The following MYO7B variants were observed in gnomAD, a reference collection of about 807,000 sequenced individuals.
MYO7B encodes myosin VIIB, also known as unconventional myosin-VIIb.
MYO7B carries 212 observed loss-of-function variants against 259.7 expected under a neutral mutation model. The observed-to-expected ratio is 0.82, with a 90% confidence interval of 0.73 to 0.91. The LOEUF is 0.91. Among genes scored for constraint, MYO7B ranks in the 40% least tolerant of loss-of-function variants. The pLI is 0.00. For missense variants in MYO7B, 2,732 were observed against 2,813.5 expected (o/e 0.97, Z 0.66); for synonymous variants, 1,197 against 1,166.4 (o/e 1.03, Z -0.54).
chr2:127,627,388 A>C lies in MYO7B; in HGVS notation c.4460+78A>C. The C allele has an allele frequency of 5.1e-6, 6 of 1,172,984 alleles. No individual in the cohort carries two copies. Among genetic ancestry groups the C allele is most frequent in the South Asian group, 1.3e-5 (1 of 76,444 alleles). 72.7% of individuals were successfully genotyped at this position (1,172,984 alleles called of 1,614,324 possible). On this transcript the variant is annotated intron_variant, in intron 33 of 47. Transcript: ENST00000409816. The surrounding 1 kb of genome is among the most constrained non-coding windows in gnomAD (Gnocchi z 5.6). Reference sequence around the variant, plus strand: ...TCTGGGGGCTCGGGGAGAGATGGGGAGAGGGGCAGTGTGCCGTCCCGGGTA... The same window carrying C: ...TCTGGGGGCTCGGGGAGAGATGGGGCGAGGGGCAGTGTGCCGTCCCGGGTA...
chr2:127,541,792 G>C (rs1357751179), intron 1 of MYO7B, among the ~76,000 whole-genome samples: 1 of 152,224 alleles, frequency 6.6e-6, no homozygotes, highest in East Asian at 1.9e-4. Flanking sequence ...GATTCTCCTA[G>C]AAGAGGTTCT....
In MYO7B at chr2:127,584,939, C is replaced by T; in HGVS notation, c.1690+26C>T. ...GTGGGTGCAGCTCTCCTCTCATGTC[C>T]CTTCCAAATCTGGACCGGGTTCCAG... On this transcript the variant is annotated intron_variant, in intron 14 of 47. Coordinates refer to ENST00000409816, the MANE Select transcript of MYO7B (RefSeq NM_001393586.1). The surrounding 1 kb of genome is among the most constrained non-coding windows in gnomAD (Gnocchi z 5.8). 1 of 1,611,980 alleles carries T rather than the reference C, an allele frequency of 6.2e-7. No homozygotes were observed.
In MYO7B at chr2:127,577,563, G is replaced by A. The variant is rs1337898134; in HGVS notation, c.850-570G>A. Among the ~76,000 whole-genome samples the A allele has an allele frequency of 6.6e-6, 1 of 151,958 alleles. No homozygotes were observed. Among genetic ancestry groups the A allele is most frequent in the Non-Finnish European group, 1.5e-5 (1 of 67,984 alleles). On this transcript the variant is annotated intron_variant, in intron 8 of 47. Transcript: ENST00000409816. This position sits in a 1 kb window ranked among gnomAD's most constrained non-coding sequence, Gnocchi z 5.2. ...CCCACCCCAGCCTCCCCGCAGCCCTGTCCCTGCCTCCCCACCTCGTGGCCT... is the reference window on the plus strand; with the variant it reads ...CCCACCCCAGCCTCCCCGCAGCCCTATCCCTGCCTCCCCACCTCGTGGCCT...
chr2:127,566,637 T>C lies in MYO7B; in HGVS notation c.286-6T>C. The C allele has an allele frequency of 6.4e-7, 1 of 1,572,066 alleles. No individual in the cohort carries two copies. On this transcript the variant is annotated splice_region_variant and splice_polypyrimidine_tract_variant and intron_variant, in intron 4 of 47. Coordinates refer to ENST00000409816, the MANE Select transcript of MYO7B (RefSeq NM_001393586.1). Reference sequence around the variant, plus strand: ...AGAGGGCACTGACCACCTGCTTCCTTCCCAGACATACACAGGCTCCATCCT... The same window carrying C: ...AGAGGGCACTGACCACCTGCTTCCTCCCCAGACATACACAGGCTCCATCCT...
intron 42 of MYO7B, 61 bp downstream of exon 42, chr2:127,634,744 C>T (rs573628882): frequency 4.1e-5 from 58 of 1,431,576 alleles, no homozygotes; most frequent in South Asian, 1.7e-4. Context: ...GGGGCACTGG[C>T]GGCCTCTGTG....
chr2:127,628,384 C>A lies in MYO7B; in HGVS notation c.4473C>A (p.Gly1491=). 2 of 1,600,640 alleles carry A rather than the reference C, an allele frequency of 1.2e-6. No individual in the cohort carries two copies. Among genetic ancestry groups the A allele is most frequent in the Non-Finnish European group, 8.5e-7 (1 of 1,175,734 alleles). Residue 1491 remains glycine, a synonymous_variant, in exon 34 of 48, where the codon GGC becomes GGA. Coordinates refer to ENST00000409816, the MANE Select transcript of MYO7B (RefSeq NM_001393586.1). The surrounding 1 kb of genome is among the most constrained non-coding windows in gnomAD (Gnocchi z 4.8). ...MGLATNREAQ[G]GQRLLLSTMH... ...CCTTCATCTCCAGGGAGGCCCAGGG[C>A]GGGCAGAGGCTGCTGCTCTCCACGA...
chr2:127,569,732 G>A (rs747494172), intron 5 of MYO7B, 57 bp from the exon 6 acceptor site: 45 of 1,567,086 alleles, frequency 2.9e-5, no homozygotes, highest in Non-Finnish European at 3.7e-5. Flanking sequence ...AGAGTTGAGA[G>A]GTGTTGAAAA....
At position 127,628,789 on chromosome 2, in the gene MYO7B, G is replaced by T. The variant is rs78313519; in HGVS notation, c.4624+254G>T. On this transcript the variant is annotated intron_variant, in intron 34 of 47. Coordinates refer to ENST00000409816, the MANE Select transcript of MYO7B (RefSeq NM_001393586.1). This position sits in a 1 kb window ranked among gnomAD's most constrained non-coding sequence, Gnocchi z 4.8. ...GCATAGGCCAGCCATGCTCAGCGCTGCACTGCTGCAGAAGCACTGAGAAAG... is the reference window on the plus strand; with the variant it reads ...GCATAGGCCAGCCATGCTCAGCGCTTCACTGCTGCAGAAGCACTGAGAAAG... Among the ~76,000 whole-genome samples, 5,540 of 152,342 alleles carry T rather than the reference G, an allele frequency of 0.036. 191 individuals carry two copies. Among genetic ancestry groups the T allele is most frequent in the East Asian group, 0.14 (739 of 5,182 alleles).
rs1681152167 is a variant in MYO7B, at chr2:127,626,841, C to T, written c.4216-134C>T. 8 of 806,954 alleles carry T rather than the reference C, an allele frequency of 9.9e-6. No homozygotes were observed. In the Admixed American group the frequency reaches 2.0e-4, roughly 20 times the overall value. 50.0% of individuals were successfully genotyped at this position (806,954 alleles called of 1,614,324 possible). ...TGGGGACGTCCCAGGTGCCTCCCTA[C>T]AGGATCCATCTCCAGACACTGGCCT... On this transcript the variant is annotated intron_variant, in intron 31 of 47. Coordinates refer to ENST00000409816, the MANE Select transcript of MYO7B (RefSeq NM_001393586.1).
chr2:127,577,574 C>G lies in MYO7B; in HGVS notation c.850-559C>G, dbSNP rs933906379. ...CTCCCCGCAGCCCTGTCCCTGCCTC[C>G]CCACCTCGTGGCCTTGCTCCCATCA... On this transcript the variant is annotated intron_variant, in intron 8 of 47. Coordinates refer to ENST00000409816, the MANE Select transcript of MYO7B (RefSeq NM_001393586.1). This position sits in a 1 kb window ranked among gnomAD's most constrained non-coding sequence, Gnocchi z 5.2. Among the ~76,000 whole-genome samples the G allele has an allele frequency of 6.6e-6, 1 of 152,174 alleles. No homozygotes were observed. Among genetic ancestry groups the G allele is most frequent in the Non-Finnish European group, 1.5e-5 (1 of 68,026 alleles).
rs1680272592 is a variant in MYO7B, at chr2:127,609,029, G to C, written c.2814+151G>C. 6.6e-6 allele frequency among the ~76,000 whole-genome samples: 1 copy of C among 152,198 alleles called. No individual in the cohort carries two copies. The highest frequency in any genetic ancestry group is 2.1e-4 in the South Asian group (1 of 4,832). On this transcript the variant is annotated intron_variant, in intron 22 of 47. Coordinates refer to ENST00000409816, the MANE Select transcript of MYO7B (RefSeq NM_001393586.1). The surrounding 1 kb of genome is among the most constrained non-coding windows in gnomAD (Gnocchi z 6.9). Reference sequence around the variant, plus strand: ...CCTGCTGGTCCCACACGGAAGAGGGGAGCGTGCGTGGGTTCTGTGGTCAAA... The same window carrying C: ...CCTGCTGGTCCCACACGGAAGAGGGCAGCGTGCGTGGGTTCTGTGGTCAAA...
Position 127,607,058 on chromosome 2 carries a change from C to T in MYO7B, c.2425-148C>T, listed in dbSNP as rs1680179155. ...AGCAATAACTCACTATTCTTGTGTT[C>T]ATAGGTGTGTACCATTCTAGCACCG... On this transcript the variant is annotated intron_variant, in intron 20 of 47. Transcript: ENST00000409816. The surrounding 1 kb of genome is among the most constrained non-coding windows in gnomAD (Gnocchi z 4.4). 1 of 686,218 alleles carries T rather than the reference C, an allele frequency of 1.5e-6. No individual in the cohort carries two copies. The highest frequency in any genetic ancestry group is 2.5e-6 in the Non-Finnish European group (1 of 406,698). 42.5% of individuals were successfully genotyped at this position (686,218 alleles called of 1,614,324 possible). A position where few individuals can be genotyped will look rare whatever the true frequency, so the allele number is the denominator to read the frequency against.
intron 2 of MYO7B, among the ~76,000 whole-genome samples, chr2:127,562,826 T>G (rs1188869461): frequency 6.6e-6 from 1 of 152,146 alleles, no homozygotes; most frequent in East Asian, 1.9e-4. Flanking sequence ...TTTCTCCATG[T>G]TGGCCAGGCT....
chr2:127,634,773 C>A, intron 42 of MYO7B, 90 bp downstream of exon 42: 1 of 1,231,356 alleles, frequency 8.1e-7, no homozygotes, highest in Non-Finnish European at 1.2e-6. Context: ...GCCCATTCAT[C>A]CATCCATTCG....
rs111804739 is a variant in MYO7B, at chr2:127,592,487, G to A, written c.1993-307G>A. The stretch of plus-strand genomic sequence containing the variant: ...AGGACGTTTACATTCACAGCGCTTC[G>A]AGTAGTTGACAGTGATGGGAGTGCT... On this transcript the variant is annotated intron_variant, in intron 16 of 47. Coordinates refer to ENST00000409816, the MANE Select transcript of MYO7B (RefSeq NM_001393586.1). Among the ~76,000 whole-genome samples the A allele has an allele frequency of 9.6e-3, 1,461 of 152,310 alleles. 17 individuals are homozygous for A. Among genetic ancestry groups the A allele is most frequent in the Non-Finnish European group, 0.015 (988 of 68,022 alleles).
In MYO7B at chr2:127,609,985, C is replaced by T. The variant is rs1320032568; in HGVS notation, c.3161C>T (p.Ala1054Val). Residue 1054 changes from alanine to valine, a missense_variant, in exon 24 of 48, where the codon GCC becomes GTC. Ala to Val is a moderately conservative substitution (Grantham distance 64). Coordinates refer to ENST00000409816, the MANE Select transcript of MYO7B (RefSeq NM_001393586.1). The surrounding 1 kb of genome is among the most constrained non-coding windows in gnomAD (Gnocchi z 6.9). ...IHDTLGREHGAQVPQHSRSAQ... is the reference protein window; with the variant it reads ...IHDTLGREHGVQVPQHSRSAQ... ...GACACGCTGGGCAGGGAGCACGGTG[C>T]CCAGGTTCCACAGCACAGTAGATCT... The T allele has an allele frequency of 2.5e-6, 4 of 1,608,908 alleles. No individual in the cohort carries two copies. Among genetic ancestry groups the T allele is most frequent in the South Asian group, 1.1e-5 (1 of 90,416 alleles).
chr2:127,636,429 G>A lies in MYO7B; in HGVS notation c.6123+105G>A, dbSNP rs1045747083. 4.3e-5 allele frequency: 62 copies of A among 1,435,942 alleles called. No homozygotes were observed. The highest frequency in any genetic ancestry group is 5.6e-5 in the Admixed American group (3 of 53,908). 89.0% of individuals were successfully genotyped at this position (1,435,942 alleles called of 1,614,324 possible). ...GCACACATCTTGGGTGGGGCTGGCC[G>A]TGAGGCTGGAGGGCGTGGGTGTATG... On this transcript the variant is annotated intron_variant, in intron 45 of 47. Transcript: ENST00000409816. The surrounding 1 kb of genome is among the most constrained non-coding windows in gnomAD (Gnocchi z 4.5).
chr2:127,596,299 T>C (rs1679767176), intron 18 of MYO7B, among the ~76,000 whole-genome samples, 163 bp from the exon 19 acceptor site: 1 of 152,218 alleles, frequency 6.6e-6, no homozygotes, highest in Admixed American at 6.5e-5. Flanking sequence ...TTGCAGCTCC[T>C]GTCTCTGAGC....
chr2:127,626,503 G>C (rs1379098141), intron 31 of MYO7B: 1 of 160,324 alleles, frequency 6.2e-6, no homozygotes, highest in African/African-American at 2.4e-5. Flanking sequence ...GCGCCAGGCT[G>C]GACGTGGTGG....
Sources: gnomAD v4.1 joint callset for allele counts (sites outside exome capture counted in the v4.1 genomes callset) on GRCh38, gnomAD v4.1.1 for gene constraint, Gnocchi (gnomAD v3.1) non-coding constraint, MANE v1.5 for transcripts, NCBI Gene and HGNC (gene_info 2026-07-23, HGNC 2026-07-21) for gene names.